The following VPS53 variants were observed in gnomAD, a reference collection of about 807,000 sequenced individuals.
VPS53 encodes the protein vacuolar protein sorting-associated protein 53 homolog.
A neutral mutation model predicts 107.0 loss-of-function variants in VPS53; 70 were observed. That is an observed-to-expected ratio of 0.65 (90% CI 0.54 to 0.80). VPS53 has a LOEUF of 0.80. Among genes scored for constraint, VPS53 ranks in the 30% least tolerant of loss-of-function variants. The pLI is 0.00. For synonymous variants in VPS53, 409 were observed against 393.3 expected (o/e 1.04, Z -0.47); for missense variants, 917 against 1,049.4 (o/e 0.87, Z 1.74).
chr17:700,459 G>C (rs1461798573), intron 2 of VPS53, among the ~76,000 whole-genome samples: 1 of 152,124 alleles, frequency 6.6e-6, no homozygotes, highest in Non-Finnish European at 1.5e-5. Context: ...GCTGCGGCAG[G>C]AGAATCGCTT....
intron 18 of VPS53, among the ~76,000 whole-genome samples, chr17:536,207 C>T (rs1395239522): frequency 4.6e-5 from 7 of 152,168 alleles, no homozygotes; most frequent in Admixed American, 3.9e-4. Flanking sequence ...GGTGCACTCA[C>T]CTGCCTTGGC....
chr17:587,163 A>T (rs1207808550), intron 12 of VPS53, among the ~76,000 whole-genome samples: 1 of 152,250 alleles, frequency 6.6e-6, no homozygotes, highest in East Asian at 1.9e-4. Flanking sequence ...TCTGGACTCA[A>T]GTGATTCTTG....
intron 12 of VPS53, among the ~76,000 whole-genome samples, chr17:599,677 G>C (rs1285508104): frequency 6.7e-6 from 1 of 149,426 alleles, no homozygotes; most frequent in African/African-American, 2.4e-5. Flanking sequence ...TTTATCTGCT[G>C]ACCTTCCCTC....
rs376580965 is a variant in VPS53 at position 608,660 on chromosome 17, G to T, written c.1117-6764C>A. On this transcript the variant is annotated intron_variant, in intron 11 of 21. Coordinates refer to ENST00000437048, the MANE Select transcript of VPS53 (RefSeq NM_001128159.3). ...AAACAGAGCCTCACTCTTCCACCCA[G>T]GATGAAGTGCAGTGGTGCAATCACA... Among the ~76,000 whole-genome samples the T allele has an allele frequency of 8.8e-5, 13 of 147,220 alleles. No homozygotes were observed. In the East Asian group the frequency reaches 2.0e-3, roughly 22 times the overall value.
At chr17:606,282 G>A (rs1968574859) in intron 11 of VPS53, among the ~76,000 whole-genome samples, 1 of 152,146 alleles carries the variant, frequency 6.6e-6, no homozygotes, top group African/African-American at 2.4e-5. Context: ...GCACCCTCGT[G>A]TAGTGGCAAG....
chr17:562,929 G>T (rs1393556915), intron 13 of VPS53, among the ~76,000 whole-genome samples, 184 bp from the exon 14 acceptor site: 2 of 152,042 alleles, frequency 1.3e-5, no homozygotes, highest in African/African-American at 4.8e-5. Context: ...TACAACAGCA[G>T]TAATAAAATC....
chr17:577,740 C>T (rs443207), intron 13 of VPS53, among the ~76,000 whole-genome samples: 139,850 of 151,598 alleles, frequency 0.92, 64,580 homozygotes, highest in African/African-American at 0.97. Flanking sequence ...AGAACTTCCC[C>T]CAGAACCTAA....
At chr17:525,377 A>G (rs1266259269) in intron 19 of VPS53, among the ~76,000 whole-genome samples, 1 of 152,106 alleles carries the variant, frequency 6.6e-6, no homozygotes, top group Non-Finnish European at 1.5e-5. Flanking sequence ...AACTGTAATG[A>G]TTTACTTTAC....
rs531172294 is a variant in VPS53, at chr17:542,520, G to A, written c.1867-5344C>T. Among the ~76,000 whole-genome samples the A allele has an allele frequency of 3.9e-5, 6 of 152,172 alleles. No individual in the cohort carries two copies. In the East Asian group the frequency reaches 5.8e-4, roughly 15 times the overall value. On this transcript the variant is annotated intron_variant, in intron 17 of 21. Transcript: ENST00000437048. ...TGGAATGCTCTTAACACAGTGTCTC[G>A]CAGCACGTATAAATTCCACAGTAAA...
intron 14 of VPS53, among the ~76,000 whole-genome samples, chr17:562,294 G>C (rs993718922): frequency 6.6e-6 from 1 of 152,136 alleles, no homozygotes; most frequent in Non-Finnish European, 1.5e-5. Flanking sequence ...TGCCCACGTG[G>C]GCAGTCAGTG....
At chr17:581,979 A>C (rs981213105) in intron 13 of VPS53, among the ~76,000 whole-genome samples, 1 of 150,504 alleles carries the variant, frequency 6.6e-6, no homozygotes, top group African/African-American at 2.5e-5. Context: ...GTGTTCCCAG[A>C]GAACCTCCTT....
At chr17:689,823 A>T (rs1281422586) in intron 4 of VPS53, among the ~76,000 whole-genome samples, 1 of 152,142 alleles carries the variant, frequency 6.6e-6, no homozygotes, top group Non-Finnish European at 1.5e-5. Context: ...TTTGAGGAAG[A>T]AAAGCAAGGA....
At chr17:676,845 GT>G (rs202156847) in intron 4 of VPS53, among the ~76,000 whole-genome samples, 258 of 144,446 alleles carry the variant, frequency 1.8e-3, no homozygotes, top group Admixed American at 4.4e-3. Context: ...AATCAGGGTG[GT>G]TTTTTTTTTT....
At chr17:566,469 C>T (rs2151858555) in intron 13 of VPS53, among the ~76,000 whole-genome samples, 1 of 152,230 alleles carries the variant, frequency 6.6e-6, no homozygotes, top group Middle Eastern at 3.4e-3. Context: ...TGCCCCCGGC[C>T]CGCCCGTCAT....
At chr17:643,938 T>C (rs554119432) in intron 7 of VPS53, among the ~76,000 whole-genome samples, 1 of 152,316 alleles carries the variant, frequency 6.6e-6, no homozygotes, top group South Asian at 2.1e-4. Flanking sequence ...CTTTTTTCAC[T>C]CCATCATGAG....
chr17:535,423 C>CT (rs1445868503), intron 18 of VPS53, among the ~76,000 whole-genome samples: 2 of 136,264 alleles, frequency 1.5e-5, no homozygotes, highest in Admixed American at 1.5e-4. Context: ...TCCTCCTTCG[C>CT]TTTAATGTAA....
At chr17:700,081 ATTATG>A (rs1169609028) in intron 2 of VPS53, among the ~76,000 whole-genome samples, 1 of 152,174 alleles carries the variant, frequency 6.6e-6, no homozygotes, top group Non-Finnish European at 1.5e-5. Context: ...ACTCCTCTGT[ATTATG>A]TTATACTTCA....
At chr17:682,488 T>C (rs1669560273) in intron 4 of VPS53, among the ~76,000 whole-genome samples, 1 of 152,058 alleles carries the variant, frequency 6.6e-6, no homozygotes, top group South Asian at 2.1e-4. Context: ...TAGAAGGGCA[T>C]GTAAGGAAGA....
intron 13 of VPS53, among the ~76,000 whole-genome samples, chr17:582,053 T>A (rs1360429022): frequency 1.3e-5 from 2 of 150,206 alleles, no homozygotes; most frequent in Non-Finnish European, 3.0e-5. Context: ...AGAACCTCCC[T>A]CAGAACCTCA....
Sources: gnomAD v4.1 joint callset for allele counts (sites outside exome capture counted in the v4.1 genomes callset) on GRCh38, gnomAD v4.1.1 for gene constraint, MANE v1.5 for transcripts, NCBI Gene and HGNC (gene_info 2026-07-23, HGNC 2026-07-21) for gene names.